The following SFXN5 variants were observed in gnomAD, a reference collection of about 807,000 sequenced individuals.
SFXN5 encodes the protein sideroflexin 5, also known as sideroflexin-5.
SFXN5 carries 43 observed loss-of-function variants against 50.2 expected under a neutral mutation model. That is an observed-to-expected ratio of 0.86 (90% confidence interval 0.67 to 1.11). SFXN5 has a LOEUF of 1.11. Among genes scored for constraint, SFXN5 ranks in the 50% least tolerant of loss-of-function variants. SFXN5 has a pLI of 0.00. For synonymous variants in SFXN5, 203 were observed against 185.8 expected, an observed-to-expected ratio of 1.09 and a Z score of -0.75; for missense variants, 463 against 454.1, an observed-to-expected ratio of 1.02 and a Z score of -0.18.
intron 2 of SFXN5, among the ~76,000 whole-genome samples, chr2:73,045,905 C>T (rs902391559): frequency 1.3e-5 from 2 of 152,036 alleles, no homozygotes; most frequent in African/African-American, 4.8e-5. Context: ...ATGAGATGCC[C>T]AAAGAAGGGG....
chr2:72,987,416 C>CT (rs1237267087), intron 10 of SFXN5, among the ~76,000 whole-genome samples: 1 of 151,786 alleles, frequency 6.6e-6, no homozygotes, highest in Non-Finnish European at 1.5e-5. Flanking sequence ...CCTAGATGTG[C>CT]TTTTTAACTA....
At chr2:72,962,537 T>G (rs554635487) in intron 12 of SFXN5, among the ~76,000 whole-genome samples, 1 of 152,358 alleles carries the variant, frequency 6.6e-6, no homozygotes, top group East Asian at 1.9e-4. Flanking sequence ...CAGTGGGCAC[T>G]GGACCTGGAA....
chr2:72,990,316 G>T (rs2105594583), intron 9 of SFXN5, among the ~76,000 whole-genome samples: 1 of 152,318 alleles, frequency 6.6e-6, no homozygotes, highest in African/African-American at 2.4e-5. Context: ...TCACGGCGTG[G>T]ACACACTTCA....
chr2:73,030,160 C>T (rs1414722468), intron 3 of SFXN5, among the ~76,000 whole-genome samples: 1 of 152,020 alleles, frequency 6.6e-6, no homozygotes, highest in Non-Finnish European at 1.5e-5. Context: ...CTCACAGCAC[C>T]GGGATGTGAA....
intron 6 of SFXN5, among the ~76,000 whole-genome samples, chr2:73,017,441 T>C (rs1676310398): frequency 6.6e-6 from 1 of 152,176 alleles, no homozygotes; most frequent in Non-Finnish European, 1.5e-5. Context: ...GTAGATAACA[T>C]AAACACATAA....
At position 73,020,262 on chromosome 2, in the gene SFXN5, A is replaced by G; in HGVS notation, c.334T>C (p.Tyr112His). 6.2e-7 allele frequency: 1 copy of G among 1,614,136 alleles called. No individual in the cohort carries two copies. The highest frequency in any genetic ancestry group is 1.7e-5 in the Admixed American group (1 of 60,022). Residue 112 changes from tyrosine to histidine, a missense_variant and splice_region_variant, in exon 6 of 14, where the codon TAT (tyrosine) becomes CAT (histidine). Tyr to His is a moderately conservative substitution (Grantham distance 83). Coordinates refer to ENST00000272433, the MANE Select transcript of SFXN5 (RefSeq NM_144579.3). Reference protein sequence around the residue: ...KIFMPFRMSGYIPFGTPIVVG... With the variant: ...KIFMPFRMSGHIPFGTPIVVG... Reference sequence around the variant, plus strand: ...ACAATTGGCGTCCCAAAAGGAATATAACCTGTGAACGAGAAGAAAAGAGTC... The same window carrying G: ...ACAATTGGCGTCCCAAAAGGAATATGACCTGTGAACGAGAAGAAAAGAGTC...
chr2:73,050,388 G>GCACACACACACACACACACACA (rs770773072), intron 2 of SFXN5, among the ~76,000 whole-genome samples: 1 of 143,808 alleles, frequency 7.0e-6, no homozygotes, highest in African/African-American at 2.8e-5. Flanking sequence ...CAGCCACAGC[G>GCACACACACACACACACACACA]CACGCACACA....
Position 72,945,145 on chromosome 2 carries a change from C to T in SFXN5, c.946-46G>A. Reference sequence around the variant, plus strand: ...GGAAAAGTGGGGGAGTGGGAAGGGGCAAATAGTGGGGCTGGGAGCTGCAGT... The same window carrying T: ...GGAAAAGTGGGGGAGTGGGAAGGGGTAAATAGTGGGGCTGGGAGCTGCAGT... On this transcript the variant is annotated intron_variant, in intron 13 of 13. Coordinates refer to ENST00000272433, the MANE Select transcript of SFXN5 (RefSeq NM_144579.3). The surrounding 1 kb of genome is among the most constrained non-coding windows in gnomAD (Gnocchi z 5.8). 3 of 1,566,604 alleles carry T rather than the reference C, an allele frequency of 1.9e-6. No homozygotes were observed. Among genetic ancestry groups the T allele is most frequent in the South Asian group, 1.1e-5 (1 of 88,732 alleles).
intron 2 of SFXN5, among the ~76,000 whole-genome samples, chr2:73,050,940 A>T (rs1416441563): frequency 6.6e-6 from 1 of 152,242 alleles, no homozygotes; most frequent in Non-Finnish European, 1.5e-5. Flanking sequence ...GCCATGAAGC[A>T]TCCTGAATGC....
chr2:72,990,231 C>G (rs1035838651), intron 9 of SFXN5, among the ~76,000 whole-genome samples: 5 of 152,250 alleles, frequency 3.3e-5, no homozygotes, highest in African/African-American at 1.2e-4. Flanking sequence ...CATCTTAAGT[C>G]TCAGGCTGAT....
chr2:72,981,973 G>A (rs1215655571), intron 10 of SFXN5, among the ~76,000 whole-genome samples: 7 of 151,332 alleles, frequency 4.6e-5, no homozygotes, highest in Admixed American at 2.6e-4. Context: ...CTTTGTGTGT[G>A]TGTGTGTGTG....
intron 12 of SFXN5, among the ~76,000 whole-genome samples, chr2:72,966,310 T>C (rs1380249918): frequency 6.6e-6 from 1 of 152,174 alleles, no homozygotes; most frequent in African/African-American, 2.4e-5. Context: ...CTGAACCAGC[T>C]TCAGAATTCC....
At chr2:72,988,222 C>A (rs1466374839) in intron 10 of SFXN5, 36 bp downstream of exon 10, 2 of 1,591,282 alleles carry the variant, frequency 1.3e-6, no homozygotes, top group African/African-American at 2.7e-5. Flanking sequence ...CCCACACCCA[C>A]CCACAGCACA....
chr2:72,987,230 G>A (rs577948570), intron 10 of SFXN5, among the ~76,000 whole-genome samples: 3 of 151,742 alleles, frequency 2.0e-5, no homozygotes, highest in East Asian at 2.0e-4. Context: ...CTCCTGCCTC[G>A]GCCTGAGTAG....
chr2:72,955,892 C>A (rs1673037350), intron 13 of SFXN5, among the ~76,000 whole-genome samples: 1 of 152,252 alleles, frequency 6.6e-6, no homozygotes, highest in South Asian at 2.1e-4. Flanking sequence ...GGGAGGCACC[C>A]AGCACCAGCC....
chr2:72,991,577 G>A (rs552605263), intron 9 of SFXN5, among the ~76,000 whole-genome samples: 1 of 152,370 alleles, frequency 6.6e-6, no homozygotes, highest in Admixed American at 6.5e-5. Flanking sequence ...CCCCAGCCCA[G>A]GTCTTACCGC....
rs148672407 is a variant in SFXN5 at position 72,988,271 on chromosome 2, C to T, written c.612G>A (p.Pro204=). 3.8e-5 allele frequency: 62 copies of T among 1,613,568 alleles called. No individual in the cohort carries two copies. The highest frequency in any genetic ancestry group is 4.8e-5 in the Non-Finnish European group (57 of 1,179,800). ...ATRLLIQRFV[P]FPAVASANIC... ...TGCAGGTCTTACCTACAGCAGGGAA[C>T]GGCACAAACCTCTGGATGAGAAGGC... Residue 204 remains proline, a synonymous_variant, in exon 10 of 14, where the codon CCG becomes CCA. Transcript: ENST00000272433.
chr2:73,058,724 A>G (rs1682464139), intron 1 of SFXN5, 128 bp from the exon 2 acceptor site: 6 of 796,590 alleles, frequency 7.5e-6, no homozygotes, highest in Non-Finnish European at 6.1e-6. Context: ...TGGGTGATAA[A>G]TGCCAATGAG....
intron 10 of SFXN5, among the ~76,000 whole-genome samples, chr2:72,980,290 T>C (rs1574020184): frequency 1.3e-5 from 2 of 152,296 alleles, no homozygotes; most frequent in Non-Finnish European, 2.9e-5. Flanking sequence ...AGCCAGGTTC[T>C]CATGTCCCTG....
Sources: allele counts gnomAD v4.1 joint callset (sites outside exome capture counted in the v4.1 genomes callset), GRCh38; gene constraint gnomAD v4.1.1; non-coding constraint Gnocchi (gnomAD v3.1); transcripts MANE v1.5; gene names NCBI Gene and HGNC (gene_info 2026-07-23, HGNC 2026-07-21).